ADCY9: variants seen among roughly 807,000 people sequenced by gnomAD.
ADCY9 encodes adenylate cyclase 9.
Under a neutral mutation model 101.5 loss-of-function variants are expected in ADCY9, and 50 were observed. That is an observed-to-expected ratio of 0.49 (90% CI 0.39 to 0.62). The LOEUF is 0.62. Among genes scored for constraint, ADCY9 ranks in the 20% least tolerant of loss-of-function variants. The probability of loss-of-function intolerance (pLI) is 0.00; values close to 1 mark genes in which losing one functional copy is unlikely to be tolerated. For synonymous variants in ADCY9, 905 were observed against 769.3 expected (o/e 1.18, Z -2.92); for missense variants, 1,662 against 1,800.4 (o/e 0.92, Z 1.39).
intron 2 of ADCY9, among the ~76,000 whole-genome samples, chr16:4,058,096 T>A (rs1410709739): frequency 6.0e-5 from 9 of 149,008 alleles, no homozygotes; most frequent in African/African-American, 2.2e-4. Context: ...GAGGTGGAGG[T>A]TGCAGTGAGC....
At chr16:4,091,716 G>A (rs545618055) in intron 2 of ADCY9, among the ~76,000 whole-genome samples, 4 of 152,318 alleles carry the variant, frequency 2.6e-5, no homozygotes, top group Non-Finnish European at 4.4e-5. Context: ...ACAAAGCCAC[G>A]TATCCTACGA....
intron 2 of ADCY9, among the ~76,000 whole-genome samples, chr16:4,112,184 C>G (rs2530899): frequency 0.31 from 47,431 of 152,160 alleles, 7,568 homozygotes; most frequent in Non-Finnish European, 0.34. Context: ...CGTCCACTGA[C>G]ACCTTCAGAC....
At chr16:4,005,108 C>G (rs891542375) in intron 3 of ADCY9, among the ~76,000 whole-genome samples, 1 of 152,106 alleles carries the variant, frequency 6.6e-6, no homozygotes, top group Admixed American at 6.6e-5. Context: ...GCGTCCTCCT[C>G]TGAAGGCCTA....
intron 2 of ADCY9, among the ~76,000 whole-genome samples, chr16:4,112,904 C>G (rs1240854339): frequency 6.6e-6 from 1 of 152,110 alleles, no homozygotes; most frequent in Non-Finnish European, 1.5e-5. Context: ...ATCTCAAAGA[C>G]TTTTGTCCTA....
At chr16:4,053,761 C>A (rs2056717337) in intron 2 of ADCY9, among the ~76,000 whole-genome samples, 1 of 152,192 alleles carries the variant, frequency 6.6e-6, no homozygotes, top group Non-Finnish European at 1.5e-5. Flanking sequence ...AGCCCCATTG[C>A]ACAATATCCT....
intron 3 of ADCY9, among the ~76,000 whole-genome samples, chr16:4,006,075 G>C (rs2141719388): frequency 6.6e-6 from 1 of 152,300 alleles, no homozygotes; most frequent in Middle Eastern, 3.4e-3. Flanking sequence ...AGGGAAGAGA[G>C]GGTCCAACAC....
In ADCY9 at chr16:4,113,952, G is replaced by T. The variant is rs759050637; in HGVS notation, c.1491C>A (p.Cys497Ter). Residue 497 changes from cysteine to a stop codon, truncating the protein, a stop_gained, in exon 2 of 11, where the codon TGC becomes TGA. Transcript: ENST00000294016. LOFTEE classifies it high-confidence loss of function. ...TAAACCTCCTCATGCCCAGGATGCC[G>T]CAAAGGACGGTGCCCGTGTGCACCC... ...RVGVHTGTVLCGILGMRRFKF... is the reference protein window; with the variant it reads ...RVGVHTGTVL 1.2e-6 allele frequency: 2 copies of T among 1,614,004 alleles called. No individual in the cohort carries two copies. Among genetic ancestry groups the T allele is most frequent in the Non-Finnish European group, 8.5e-7 (1 of 1,180,034 alleles).
chr16:4,082,142 G>A (rs1043589060), intron 2 of ADCY9, among the ~76,000 whole-genome samples: 2 of 152,064 alleles, frequency 1.3e-5, no homozygotes, highest in African/African-American at 4.8e-5. Context: ...TTGGGAGACT[G>A]AGGCAAGAGT....
intron 2 of ADCY9, among the ~76,000 whole-genome samples, chr16:4,010,713 G>C (rs765895181): frequency 1.3e-4 from 20 of 152,180 alleles, no homozygotes; most frequent in Non-Finnish European, 2.6e-4. Context: ...AAGCACAGGA[G>C]GGGGCATCTT....
rs886320856 is a variant in ADCY9 at position 3,964,999 on chromosome 16, G to C, written c.*776C>G. Reference sequence around the variant, plus strand: ...CGATGGGGAGACCCCTGGGTGGAGGGTCGGGGGTGAGAGGCGGCTCTGAGA... The same window carrying C: ...CGATGGGGAGACCCCTGGGTGGAGGCTCGGGGGTGAGAGGCGGCTCTGAGA... On this transcript the variant is annotated 3_prime_UTR_variant, in exon 11 of 11. Coordinates refer to ENST00000294016, the MANE Select transcript of ADCY9 (RefSeq NM_001116.4). The C allele has an allele frequency of 6.6e-6, 1 of 152,244 alleles. No individual in the cohort carries two copies. Among genetic ancestry groups the C allele is most frequent in the African/African-American group, 2.4e-5 (1 of 41,458 alleles). 9.4% of individuals were successfully genotyped at this position (152,244 alleles called of 1,614,324 possible).
intron 5 of ADCY9, among the ~76,000 whole-genome samples, chr16:3,991,394 AGAGG>A (rs1338440197): frequency 6.6e-6 from 1 of 152,130 alleles, no homozygotes; most frequent in Middle Eastern, 3.2e-3. Context: ...CTGCCTGGCC[AGAGG>A]GAGAGCCTGA....
At chr16:4,018,101 ACCT>A (rs1479187625) in intron 2 of ADCY9, among the ~76,000 whole-genome samples, 1 of 151,234 alleles carries the variant, frequency 6.6e-6, no homozygotes, top group African/African-American at 2.4e-5. Context: ...CTGCACTGAC[ACCT>A]CCTGTGGGCA....
At chr16:4,091,602 T>C (rs908484595) in intron 2 of ADCY9, among the ~76,000 whole-genome samples, 2 of 152,162 alleles carry the variant, frequency 1.3e-5, no homozygotes, top group African/African-American at 4.8e-5. Flanking sequence ...ATGTGGTTTA[T>C]CCATACAATG....
chr16:4,008,896 G>A (rs2056384969), intron 2 of ADCY9, among the ~76,000 whole-genome samples: 1 of 152,190 alleles, frequency 6.6e-6, no homozygotes, highest in Non-Finnish European at 1.5e-5. Context: ...AGGTCGTGAA[G>A]GGTGTGGCAT....
intron 3 of ADCY9, among the ~76,000 whole-genome samples, chr16:4,002,074 C>T (rs1159454203): frequency 6.6e-6 from 1 of 152,108 alleles, no homozygotes; most frequent in Non-Finnish European, 1.5e-5. Context: ...TTTACAACAG[C>T]TTTCTTAAGA....
intron 2 of ADCY9, among the ~76,000 whole-genome samples, chr16:4,050,880 G>A (rs1438330847): frequency 6.6e-6 from 1 of 152,096 alleles, no homozygotes; most frequent in African/African-American, 2.4e-5. Context: ...TGATTCCAGG[G>A]CTGGAGCAAG....
In ADCY9 at chr16:4,114,787, G is replaced by A. The variant is rs1309416274; in HGVS notation, c.656C>T (p.Ser219Phe). The change falls in exon 2 of 11, where the codon TCT becomes TTT. Residue 219 changes from serine (S) to phenylalanine (F), a missense_variant. Ser to Phe is a radical substitution (Grantham distance 155). Around this residue, in one of 5 missense-constraint regions of ADCY9, gnomAD observed 422 missense variants for 392.0 expected, o/e 1.08. Coordinates refer to ENST00000294016, the MANE Select transcript of ADCY9 (RefSeq NM_001116.4). The surrounding 1 kb of genome is among the most constrained non-coding windows in gnomAD (Gnocchi z 4.3). ...ATARPTDTCL[S>F]QVGSFSMCIE... ...GCACATGGAGAAGCTCCCCACTTGA[G>A]ATAAGCAAGTATCTGTGGGCCGGGC... 1.9e-6 allele frequency: 3 copies of A among 1,613,332 alleles called. No individual in the cohort carries two copies. The highest frequency in any genetic ancestry group is 1.7e-5 in the Admixed American group (1 of 60,036).
intron 2 of ADCY9, among the ~76,000 whole-genome samples, chr16:4,113,462 G>A (rs902350080): frequency 1.3e-5 from 2 of 152,158 alleles, no homozygotes; most frequent in Admixed American, 6.5e-5. Flanking sequence ...TTCACCGGAC[G>A]TGCCCCCACA....
intron 6 of ADCY9, chr16:3,984,045 C>T (rs1011231553): frequency 2.0e-5 from 3 of 152,660 alleles, no homozygotes; most frequent in East Asian, 1.9e-4. Flanking sequence ...ACTATGATCA[C>T]ACCACTGCAG....
Sources: gnomAD v4.1 joint callset for allele counts (sites outside exome capture counted in the v4.1 genomes callset) on GRCh38, gnomAD v4.1.1 for gene constraint, gnomAD v4.1.1 regional missense constraint, Gnocchi (gnomAD v3.1) non-coding constraint, MANE v1.5 for transcripts, NCBI Gene and HGNC (gene_info 2026-07-23, HGNC 2026-07-21) for gene names.